Variants in MYO3B observed in about 807,000 individuals in gnomAD.
The protein encoded by MYO3B is myosin-IIIb.
In MYO3B, 156 loss-of-function variants were observed where a neutral mutation model predicts 174.6. The observed-to-expected ratio is 0.89, with a 90% CI of 0.78 to 1.02. MYO3B has a LOEUF of 1.02. Ranked by LOEUF, MYO3B falls within the 50% of genes least tolerant of loss-of-function variation. MYO3B has a pLI of 0.00. For synonymous variants in MYO3B, 563 were observed against 569.1 expected (o/e 0.99, Z 0.15); for missense variants, 1,632 against 1,639.4 (o/e 1.00, Z 0.08).
At chr2:170,566,813 C>A (rs1424351001) in intron 32 of MYO3B, among the ~76,000 whole-genome samples, 2 of 152,138 alleles carry the variant, frequency 1.3e-5, no homozygotes, top group Non-Finnish European at 2.9e-5. Flanking sequence ...TAGAGCCCTG[C>A]TGTCTTACTG....
chr2:170,357,360 A>G (rs2094130186), intron 8 of MYO3B, among the ~76,000 whole-genome samples: 1 of 146,954 alleles, frequency 6.8e-6, no homozygotes, highest in Non-Finnish European at 1.5e-5. Context: ...TATTTTATAT[A>G]TTATATATTT....
intron 23 of MYO3B, among the ~76,000 whole-genome samples, chr2:170,448,432 C>A (rs1052836430): frequency 6.6e-6 from 1 of 152,152 alleles, no homozygotes; most frequent in Non-Finnish European, 1.5e-5. Context: ...AGGATGAAGA[C>A]CACTCTAACA....
At chr2:170,232,676 GTT>G (rs973588598) in intron 6 of MYO3B, among the ~76,000 whole-genome samples, 17 of 152,166 alleles carry the variant, frequency 1.1e-4, no homozygotes, top group African/African-American at 3.9e-4. Flanking sequence ...GCTATCCTCA[GTT>G]TCCACACCTG....
At chr2:170,593,620 A>G (rs1693957042) in intron 32 of MYO3B, among the ~76,000 whole-genome samples, 1 of 152,248 alleles carries the variant, frequency 6.6e-6, no homozygotes, top group Non-Finnish European at 1.5e-5. Flanking sequence ...ACAAAGACCC[A>G]AATGAGGTCT....
chr2:170,366,567 A>G (rs754953192), intron 8 of MYO3B, among the ~76,000 whole-genome samples: 2 of 152,174 alleles, frequency 1.3e-5, no homozygotes, highest in Non-Finnish European at 2.9e-5. Context: ...TGTTGGGATT[A>G]TGGGCATGAG....
intron 1 of MYO3B, among the ~76,000 whole-genome samples, chr2:170,185,034 C>A (rs1456824906): frequency 7.0e-6 from 1 of 142,014 alleles, no homozygotes; most frequent in Admixed American, 7.4e-5. Context: ...TTAGATTTTT[C>A]TTATAGAGTT....
At chr2:170,231,493 A>C (rs534908718) in intron 6 of MYO3B, among the ~76,000 whole-genome samples, 1 of 152,344 alleles carries the variant, frequency 6.6e-6, no homozygotes, top group East Asian at 1.9e-4. Flanking sequence ...ATTGCTAGTA[A>C]TCCAGCATTA....
chr2:170,424,723 A>C (rs2094647342), intron 22 of MYO3B, among the ~76,000 whole-genome samples: 3 of 152,212 alleles, frequency 2.0e-5, no homozygotes, highest in Non-Finnish European at 4.4e-5. Flanking sequence ...TCTTCCCCTA[A>C]CACATTTTAA....
At chr2:170,475,766 A>T (rs764414164) in intron 25 of MYO3B, among the ~76,000 whole-genome samples, 1 of 152,320 alleles carries the variant, frequency 6.6e-6, no homozygotes, top group Non-Finnish European at 1.5e-5. Flanking sequence ...TTCGTTGTCT[A>T]TGGGACGAGG....
At chr2:170,289,574 CTTTA>C (rs982039338) in intron 7 of MYO3B, among the ~76,000 whole-genome samples, 8 of 151,566 alleles carry the variant, frequency 5.3e-5, no homozygotes, top group Non-Finnish European at 7.4e-5. Context: ...TCATTTCTGA[CTTTA>C]TTTATTTGGG....
At chr2:170,239,851 A>G (rs77079342) in intron 7 of MYO3B, among the ~76,000 whole-genome samples, 190 of 152,316 alleles carry the variant, frequency 1.2e-3, no homozygotes, top group African/African-American at 4.5e-3. Context: ...TTAAAGCAAC[A>G]GACATTTATT....
intron 32 of MYO3B, among the ~76,000 whole-genome samples, chr2:170,600,388 C>T (rs771953785): frequency 3.9e-5 from 6 of 152,062 alleles, no homozygotes; most frequent in African/African-American, 9.7e-5. Flanking sequence ...GGCAGATAAA[C>T]GTGACTAATG....
At chr2:170,247,323 A>AT (rs77152953) in intron 7 of MYO3B, among the ~76,000 whole-genome samples, 47,976 of 152,044 alleles carry the variant, frequency 0.32, 9,596 homozygotes, top group East Asian at 0.68. Flanking sequence ...TCAGGTGTCC[A>AT]TCTGGGCAAG....
intron 7 of MYO3B, among the ~76,000 whole-genome samples, chr2:170,300,619 C>T (rs1233986125): frequency 1.3e-5 from 2 of 152,136 alleles, no homozygotes; most frequent in Non-Finnish European, 2.9e-5. Flanking sequence ...TTCTCCTTTT[C>T]TCTTCATTTT....
intron 7 of MYO3B, among the ~76,000 whole-genome samples, chr2:170,273,252 T>C (rs2093438299): frequency 6.6e-6 from 1 of 152,078 alleles, no homozygotes; most frequent in African/African-American, 2.4e-5. Context: ...AACTGATAAT[T>C]AAAAGTGATT....
chr2:170,251,232 G>T (rs1460929583), intron 7 of MYO3B, among the ~76,000 whole-genome samples: 1 of 151,912 alleles, frequency 6.6e-6, no homozygotes, highest in African/African-American at 2.4e-5. Flanking sequence ...GATAGGTAGG[G>T]TTCTTTTTTT....
intron 29 of MYO3B, among the ~76,000 whole-genome samples, chr2:170,517,537 CAA>C (rs1348815335): frequency 6.6e-6 from 1 of 151,940 alleles, no homozygotes; most frequent in Non-Finnish European, 1.5e-5. Context: ...CTGAGGATCT[CAA>C]AATAGGTACA....
chr2:170,393,812 A>G (rs6706452), intron 16 of MYO3B, among the ~76,000 whole-genome samples: 1,673 of 152,290 alleles, frequency 0.011, 31 homozygotes, highest in African/African-American at 0.038. Flanking sequence ...CTGACAGACA[A>G]TGGAAAATCC....
At chr2:170,562,005 GT>G (rs774612466) in intron 32 of MYO3B, among the ~76,000 whole-genome samples, 1 of 151,816 alleles carries the variant, frequency 6.6e-6, no homozygotes, top group Non-Finnish European at 1.5e-5. Flanking sequence ...TGAATCCTGT[GT>G]TTATTGCTCC....
Sources: allele counts gnomAD v4.1 joint callset (sites outside exome capture counted in the v4.1 genomes callset), GRCh38; gene constraint gnomAD v4.1.1; transcripts MANE v1.5; gene names NCBI Gene and HGNC (gene_info 2026-07-23, HGNC 2026-07-21).